Variants in ATP13A4 observed in about 807,000 individuals in gnomAD.
ATP13A4 encodes the protein ATPase 13A4.
A neutral mutation model predicts 142.5 loss-of-function variants in ATP13A4; 114 were observed. That is an observed-to-expected ratio of 0.80 (90% CI 0.69 to 0.93). ATP13A4 has a LOEUF of 0.93. Among genes scored for constraint, ATP13A4 ranks in the 40% least tolerant of loss-of-function variants. The probability of loss-of-function intolerance (pLI) is 0.00; values close to 1 mark genes in which losing one functional copy is unlikely to be tolerated. For missense variants in ATP13A4, 1,392 were observed against 1,454.0 expected (o/e 0.96, Z 0.69); for synonymous variants, 488 against 514.8 (o/e 0.95, Z 0.70).
rs866149715 is a variant in ATP13A4 at position 193,459,246 on chromosome 3, G to A, written c.1524-15C>T. On this transcript the variant is annotated splice_polypyrimidine_tract_variant and intron_variant, in intron 13 of 29. Coordinates refer to ENST00000342695, the MANE Select transcript of ATP13A4 (RefSeq NM_032279.4). ...CTTCCTGAAAGCTTAAGGAGAAAAG[G>A]AAATGGGTTTCCATTCCATCGCCTC... The A allele has an allele frequency of 1.9e-6, 3 of 1,614,164 alleles. No homozygotes were observed. Among genetic ancestry groups the A allele is most frequent in the Admixed American group, 1.7e-5 (1 of 60,026 alleles).
chr3:193,538,110 T>C (rs1722683978), intron 1 of ATP13A4, among the ~76,000 whole-genome samples: 1 of 152,256 alleles, frequency 6.6e-6, no homozygotes, highest in East Asian at 1.9e-4. Flanking sequence ...GGAAACTGGG[T>C]AAAGGGTACT....
In ATP13A4 at chr3:193,435,747, G is replaced by A. The variant is rs1716231398; in HGVS notation, c.2673-3C>T. 6.2e-7 allele frequency: 1 copy of A among 1,610,656 alleles called. No individual in the cohort carries two copies. Among genetic ancestry groups the A allele is most frequent in the Admixed American group, 1.7e-5 (1 of 59,988 alleles). Reference sequence around the variant, plus strand: ...TAACGAGAGCTGCACGTCCTTCCCTGTGTAAGAAAAGAAATGATAAAGACA... The same window carrying A: ...TAACGAGAGCTGCACGTCCTTCCCTATGTAAGAAAAGAAATGATAAAGACA... On this transcript the variant is annotated splice_polypyrimidine_tract_variant and splice_region_variant and intron_variant, in intron 23 of 29. Coordinates refer to ENST00000342695, the MANE Select transcript of ATP13A4 (RefSeq NM_032279.4).
intron 16 of ATP13A4, 138 bp downstream of exon 16, chr3:193,456,862 G>A (rs1248052524): frequency 1.6e-5 from 17 of 1,068,608 alleles, no homozygotes; most frequent in East Asian, 2.6e-5. Flanking sequence ...CTTGGTTTTC[G>A]TATTGAATTT....
intron 25 of ATP13A4, among the ~76,000 whole-genome samples, chr3:193,433,543 G>A (rs1716094963): frequency 1.3e-5 from 2 of 152,136 alleles, no homozygotes; most frequent in African/African-American, 4.8e-5. Context: ...AAAGCACTCT[G>A]AAGTTAGTGT....
intron 3 of ATP13A4, among the ~76,000 whole-genome samples, chr3:193,495,669 CA>C (rs1241429717): frequency 6.6e-6 from 1 of 152,086 alleles, no homozygotes; most frequent in Non-Finnish European, 1.5e-5. Flanking sequence ...AGACCTAGAA[CA>C]AGACAGGAAT....
chr3:193,463,270 T>C (rs1369396786), intron 12 of ATP13A4, among the ~76,000 whole-genome samples: 1 of 152,072 alleles, frequency 6.6e-6, no homozygotes, highest in Non-Finnish European at 1.5e-5. Context: ...GATCTAATGG[T>C]AGACTGAATG....
At position 193,483,951 on chromosome 3, in the gene ATP13A4, C is replaced by A. The variant is rs1032969323; in HGVS notation, c.793G>T (p.Val265Leu). Residue 265 changes from valine to leucine, a missense_variant, in exon 8 of 30, where the codon GTA becomes TTA. By Grantham distance (32) the Val-to-Leu change is conservative (BLOSUM62 1). Transcript: ENST00000342695. Reference protein sequence around the residue: ...VESHNSITVSVCGRKAGVQEL... With the variant: ...VESHNSITVSLCGRKAGVQEL... ...TGGAACTTACCTTTTCTCCCACATA[C>A]AGAGACCGTAATGCTATTATGTGAC... 2.5e-6 allele frequency: 4 copies of A among 1,604,722 alleles called. No individual in the cohort carries two copies. In the East Asian group the frequency reaches 8.9e-5, roughly 36 times the overall value.
At chr3:193,590,197 T>G (rs939529506) in intron 1 of ATP13A4, among the ~76,000 whole-genome samples, 3 of 152,104 alleles carry the variant, frequency 2.0e-5, no homozygotes, top group African/African-American at 7.2e-5. Context: ...TCCTGAAGGC[T>G]CTGAGGTTAG....
chr3:193,546,187 T>C (rs990324412), intron 1 of ATP13A4, among the ~76,000 whole-genome samples: 1 of 152,148 alleles, frequency 6.6e-6, no homozygotes, highest in African/African-American at 2.4e-5. Flanking sequence ...AACTTACATT[T>C]GGCCCTCCCT....
chr3:193,490,604 C>T (rs1719891639), intron 6 of ATP13A4, among the ~76,000 whole-genome samples: 1 of 152,150 alleles, frequency 6.6e-6, no homozygotes, highest in Non-Finnish European at 1.5e-5. Context: ...ACTTAAATTC[C>T]CCCTAGCTGG....
At chr3:193,416,522 G>A (rs1715072915) in intron 25 of ATP13A4, among the ~76,000 whole-genome samples, 1 of 152,148 alleles carries the variant, frequency 6.6e-6, no homozygotes, top group African/African-American at 2.4e-5. Flanking sequence ...AAGAAATTCT[G>A]AAGCTGAAAA....
At chr3:193,445,663 A>G (rs1716907742) in intron 18 of ATP13A4, among the ~76,000 whole-genome samples, 1 of 152,114 alleles carries the variant, frequency 6.6e-6, no homozygotes, top group Non-Finnish European at 1.5e-5. Context: ...AGGCTGAAGC[A>G]GGAGAATCGC....
At chr3:193,413,726 C>G (rs1714899262) in intron 26 of ATP13A4, among the ~76,000 whole-genome samples, 1 of 152,136 alleles carries the variant, frequency 6.6e-6, no homozygotes, top group Non-Finnish European at 1.5e-5. Context: ...AAAACCCCAC[C>G]CTGGTGAATT....
intron 25 of ATP13A4, among the ~76,000 whole-genome samples, chr3:193,431,599 A>G (rs1251558749): frequency 6.7e-6 from 1 of 148,188 alleles, no homozygotes; most frequent in Non-Finnish European, 1.5e-5. Flanking sequence ...GTTTCTATAT[A>G]TGCATGTGTG....
intron 1 of ATP13A4, among the ~76,000 whole-genome samples, chr3:193,536,746 A>C (rs964899774): frequency 1.2e-4 from 19 of 152,088 alleles, no homozygotes; most frequent in African/African-American, 3.9e-4. Flanking sequence ...ACTACCTTCT[A>C]GAATTAATGA....
intron 1 of ATP13A4, among the ~76,000 whole-genome samples, chr3:193,591,643 G>A (rs1352325746): frequency 1.3e-5 from 2 of 152,088 alleles, no homozygotes; most frequent in Admixed American, 1.3e-4. Flanking sequence ...ATACATCTTT[G>A]CATACATGGG....
chr3:193,428,289 C>T (rs1715779591), intron 25 of ATP13A4, among the ~76,000 whole-genome samples: 1 of 151,264 alleles, frequency 6.6e-6, no homozygotes, highest in Non-Finnish European at 1.5e-5. Context: ...AGTCAGGAAA[C>T]AACAGGTGTT....
At chr3:193,488,813 A>G (rs1165223230) in intron 7 of ATP13A4, among the ~76,000 whole-genome samples, 2 of 152,162 alleles carry the variant, frequency 1.3e-5, no homozygotes, top group Non-Finnish European at 2.9e-5. Context: ...TTAAGTTGGG[A>G]GAACTTGAGA....
At chr3:193,452,352 T>C (rs1317250167) in intron 17 of ATP13A4, among the ~76,000 whole-genome samples, 2 of 152,104 alleles carry the variant, frequency 1.3e-5, no homozygotes, top group African/African-American at 4.8e-5. Flanking sequence ...ACTAAGTTGA[T>C]CAAATTACAA....
Sources: gnomAD v4.1 joint callset for allele counts (sites outside exome capture counted in the v4.1 genomes callset) on GRCh38, gnomAD v4.1.1 for gene constraint, MANE v1.5 for transcripts, NCBI Gene and HGNC (gene_info 2026-07-23, HGNC 2026-07-21) for gene names.